MACROD1: variants seen among roughly 807,000 people sequenced by gnomAD.
MACROD1 encodes mono-ADP ribosylhydrolase 1, also known as ADP-ribose glycohydrolase MACROD1.
MACROD1 carries 31 observed loss-of-function variants against 41.4 expected under a neutral mutation model. The observed-to-expected ratio is 0.75, with a 90% confidence interval of 0.56 to 1.01. MACROD1 has a LOEUF of 1.01. MACROD1 is among the 50% of genes least tolerant of loss of function. The pLI is 0.00. For synonymous variants in MACROD1, 252 were observed against 203.4 expected, an observed-to-expected ratio of 1.24 and a Z score of -2.03; for missense variants, 473 against 460.0, an observed-to-expected ratio of 1.03 and a Z score of -0.26.
chr11:64,076,447 T>C (rs1482893301), intron 3 of MACROD1, among the ~76,000 whole-genome samples: 13 of 150,060 alleles, frequency 8.7e-5, no homozygotes, highest in South Asian at 2.1e-4. Context: ...GATGGATGGA[T>C]GGACGGATGG....
intron 4 of MACROD1, among the ~76,000 whole-genome samples, chr11:64,010,090 T>TTGGGGTGTTGGATGGGGGGTTGGC (rs1942978567): frequency 1.4e-5 from 1 of 71,294 alleles, no homozygotes; most frequent in Non-Finnish European, 3.5e-5. Flanking sequence ...AGGGTGTTGG[T>TTGGGGTGTTGGATGGGGGGTTGGC]TGGGGTGTTG....
intron 3 of MACROD1, chr11:64,127,013 G>A (rs996948476): frequency 6.6e-6 from 1 of 152,182 alleles, no homozygotes; most frequent in Admixed American, 6.5e-5. Flanking sequence ...GACCAGCCTG[G>A]CCTCGTGCCC....
At chr11:64,070,988 A>G (rs1211548451) in intron 3 of MACROD1, among the ~76,000 whole-genome samples, 1 of 152,084 alleles carries the variant, frequency 6.6e-6, no homozygotes, top group Non-Finnish European at 1.5e-5. Flanking sequence ...GGGTTTGACT[A>G]TTCAATCCTC....
intron 3 of MACROD1, among the ~76,000 whole-genome samples, chr11:64,110,903 G>T (rs1257298897): frequency 1.3e-5 from 2 of 152,180 alleles, no homozygotes; most frequent in Non-Finnish European, 2.9e-5. Context: ...CCCACCCCCA[G>T]GTCCCGCCCT....
At chr11:64,075,431 C>T (rs1445146669) in intron 3 of MACROD1, among the ~76,000 whole-genome samples, 1 of 152,260 alleles carries the variant, frequency 6.6e-6, no homozygotes, top group Admixed American at 6.5e-5. Flanking sequence ...TTCCATTTTA[C>T]AGATGGAAGC....
chr11:64,097,595 T>C (rs1304940207), intron 3 of MACROD1, among the ~76,000 whole-genome samples: 1 of 152,190 alleles, frequency 6.6e-6, no homozygotes, highest in Non-Finnish European at 1.5e-5. Context: ...GCAAATACCC[T>C]GAAAGTCTGG....
chr11:64,063,586 G>A (rs1296893590), intron 3 of MACROD1, among the ~76,000 whole-genome samples: 5 of 152,182 alleles, frequency 3.3e-5, no homozygotes, highest in African/African-American at 9.7e-5. Flanking sequence ...CTTCCCCGGC[G>A]TCTCTTCCTG....
At chr11:64,159,664 C>T (rs1300971186) in intron 1 of MACROD1, among the ~76,000 whole-genome samples, 1 of 152,040 alleles carries the variant, frequency 6.6e-6, no homozygotes, top group Non-Finnish European at 1.5e-5. Flanking sequence ...CATGGGGGCG[C>T]ATGCCTGTAA....
At chr11:64,092,266 C>T (rs573099895) in intron 3 of MACROD1, among the ~76,000 whole-genome samples, 8 of 152,318 alleles carry the variant, frequency 5.3e-5, no homozygotes, top group African/African-American at 1.4e-4. Context: ...AAATTAAACA[C>T]GGATGGTTTC....
intron 3 of MACROD1, among the ~76,000 whole-genome samples, chr11:64,033,053 C>T (rs1344716023): frequency 1.3e-5 from 2 of 152,216 alleles, no homozygotes; most frequent in Non-Finnish European, 2.9e-5. Context: ...CCTCCTGCCC[C>T]TCCAAGACCC....
chr11:64,129,864 T>G (rs537011081), intron 3 of MACROD1, among the ~76,000 whole-genome samples: 41 of 152,086 alleles, frequency 2.7e-4, no homozygotes, highest in African/African-American at 8.0e-4. Flanking sequence ...CAGGAGGGAA[T>G]TGCCAGGACC....
chr11:64,095,655 A>G (rs934538054), intron 3 of MACROD1, among the ~76,000 whole-genome samples: 11 of 152,172 alleles, frequency 7.2e-5, no homozygotes, highest in Non-Finnish European at 1.5e-4. Context: ...GGATGATGGC[A>G]TATGTGTGGA....
At chr11:64,131,411 C>A (rs1945263985) in intron 3 of MACROD1, among the ~76,000 whole-genome samples, 1 of 152,192 alleles carries the variant, frequency 6.6e-6, no homozygotes. Flanking sequence ...TCGGCAGCTT[C>A]CGCCTCCCAG....
chr11:64,035,705 G>GCGTCCC (rs1565203035), intron 3 of MACROD1, among the ~76,000 whole-genome samples: 13 of 4,714 alleles, frequency 2.8e-3, no homozygotes, highest in Non-Finnish European at 0.01. Context: ...GCGCAGCGCG[G>GCGTCCC]CGCCCCCGTC....
chr11:64,111,026 G>A (rs1161249914), intron 3 of MACROD1, among the ~76,000 whole-genome samples: 1 of 152,200 alleles, frequency 6.6e-6, no homozygotes, highest in East Asian at 1.9e-4. Context: ...GAAAGGCCTT[G>A]GGTCCCTGCC....
chr11:64,009,371 C>T (rs567846027), intron 4 of MACROD1, among the ~76,000 whole-genome samples: 1 of 152,318 alleles, frequency 6.6e-6, no homozygotes, highest in Admixed American at 6.5e-5. Flanking sequence ...TCAAGCCTTC[C>T]TGAAGCAGAC....
At chr11:64,093,964 TAGAA>T (rs1235546005) in intron 3 of MACROD1, among the ~76,000 whole-genome samples, 1 of 152,168 alleles carries the variant, frequency 6.6e-6, no homozygotes. Context: ...AGCTGGCTGA[TAGAA>T]AGCACGGTGC....
intron 4 of MACROD1, chr11:64,008,878 C>G (rs1465076203): frequency 6.6e-6 from 1 of 152,266 alleles, no homozygotes; most frequent in Non-Finnish European, 1.5e-5. Context: ...CCCACCCATG[C>G]CAGGAGCTGA....
intron 3 of MACROD1, among the ~76,000 whole-genome samples, chr11:64,089,180 G>A (rs977118327): frequency 2.0e-5 from 3 of 152,190 alleles, no homozygotes; most frequent in African/African-American, 7.2e-5. Flanking sequence ...GTCGGGGAGT[G>A]ATCTGACGGG....
Sources: gnomAD v4.1 joint callset for allele counts (sites outside exome capture counted in the v4.1 genomes callset) on GRCh38, gnomAD v4.1.1 for gene constraint, MANE v1.5 for transcripts, NCBI Gene and HGNC (gene_info 2026-07-23, HGNC 2026-07-21) for gene names.